INF2: variants seen among roughly 807,000 people sequenced by gnomAD.
The protein encoded by INF2 is inverted formin 2.
A neutral mutation model predicts 123.5 loss-of-function variants in INF2; 43 were observed. That is an observed-to-expected ratio of 0.35 (90% CI 0.27 to 0.45). The LOEUF is 0.45. Among genes scored for constraint, INF2 ranks in the 20% least tolerant of loss-of-function variants. The pLI is 1.00. For synonymous variants in INF2, 851 were observed against 745.0 expected (o/e 1.14, Z -2.32); for missense variants, 1,453 against 1,682.7 (o/e 0.86, Z 2.39).
chr14:104,694,857 G>A (rs1210032635), intron 1 of INF2, among the ~76,000 whole-genome samples: 1 of 152,168 alleles, frequency 6.6e-6, no homozygotes, highest in Non-Finnish European at 1.5e-5. Flanking sequence ...CAGCCGTCTT[G>A]TCTTGGCACA....
intron 5 of INF2, chr14:104,704,340 C>T (rs911098744): frequency 1.2e-5 from 5 of 408,858 alleles, no homozygotes; most frequent in Admixed American, 8.5e-5. Flanking sequence ...GGCTCCAGGG[C>T]GAGAGTTGAA....
At chr14:104,711,540 A>G in intron 15 of INF2, 89 bp from the exon 16 acceptor site, 2 of 1,181,050 alleles carry the variant, frequency 1.7e-6, no homozygotes, top group Non-Finnish European at 2.5e-6. Flanking sequence ...CTTAATTGCT[A>G]AGGGTTAGAG....
upstream of INF2, chr14:104,689,591 C>T: frequency 1.3e-3 from 364 of 276,518 alleles, no homozygotes; most frequent in Middle Eastern, 2.0e-3. Flanking sequence ...TCCTCTTCCT[C>T]CCGCCCGCCC....
intron 17 of INF2, 109 bp from the exon 18 acceptor site, chr14:104,712,719 G>A (rs1479011961): frequency 5.4e-5 from 80 of 1,468,526 alleles, no homozygotes; most frequent in African/African-American, 1.1e-4. Flanking sequence ...AGAGACCACC[G>A]TCCTCAGGGC....
At position 104,714,274 on chromosome 14, in the gene INF2, G is replaced by T; in HGVS notation, c.3112G>T (p.Ala1038Ser). 1 of 1,595,014 alleles carries T rather than the reference G, an allele frequency of 6.3e-7. No homozygotes were observed. The highest frequency in any genetic ancestry group is 2.3e-5 in the East Asian group (1 of 43,838). The change falls in exon 21 of 23, where the codon GCT becomes TCT. Residue 1038 changes from alanine to serine, a missense_variant. By Grantham distance (99) the Ala-to-Ser change is moderately conservative. Transcript: ENST00000392634. ...TCCCGCCTCTGAGCCCGGCCTTGAT[G>T]CTACAACAGCCAGCGAGTCCCGGGG... is the stretch of plus-strand genomic sequence containing the variant. Reference protein sequence around the residue: ...RCPASEPGLDATTASESRGWD... With the variant: ...RCPASEPGLDSTTASESRGWD...
In INF2 at chr14:104,712,909, T is replaced by C; in HGVS notation, c.2692T>C (p.Cys898Arg). Reference protein sequence around the residue: ...QKQRELADYLCEDAQQLSLED... With the variant: ...QKQRELADYLREDAQQLSLED... The stretch of plus-strand genomic sequence containing the variant: ...GCAACGGGAGCTGGCCGACTACCTG[T>C]GTGAGGACGCCCAGCAGCTGTCCCT... The change falls in exon 18 of 23, where the codon TGT becomes CGT. Residue 898 changes from cysteine to arginine, a missense_variant. Cys to Arg is a radical substitution (Grantham distance 180). This residue lies in a region of INF2 where 212 missense variants were observed against 266.2 expected (regional missense o/e 0.80). Transcript: ENST00000392634. The C allele has an allele frequency of 1.2e-6, 2 of 1,612,676 alleles. No homozygotes were observed. Among genetic ancestry groups the C allele is most frequent in the Non-Finnish European group, 1.7e-6 (2 of 1,179,808 alleles).
Position 104,714,978 on chromosome 14 carries a change from C to T in INF2, c.3694+122C>T, listed in dbSNP as rs745580631. ...GCACCCAGGAGAGGTGACTTGGGTG[C>T]GGCACGGGAGAGGAGGCGGCAGTGC... On this transcript the variant is annotated intron_variant, in intron 21 of 22. Transcript: ENST00000392634. 1.2e-4 allele frequency: 128 copies of T among 1,106,912 alleles called. 2 individuals carry two copies. The highest frequency in any genetic ancestry group is 9.0e-4 in the Middle Eastern group (3 of 3,320). The allele number at this position is 1,106,912 out of a possible 1,614,324, so 68.6% of individuals were successfully genotyped here.
rs1439075351 is a variant in INF2 at position 104,714,292 on chromosome 14, T to G, written c.3130T>G (p.Ser1044Ala). 15 of 1,592,550 alleles carry G rather than the reference T, an allele frequency of 9.4e-6. No homozygotes were observed. Among genetic ancestry groups the G allele is most frequent in the Non-Finnish European group, 1.3e-5 (15 of 1,170,938 alleles). Residue 1044 changes from serine to alanine, a missense_variant, in exon 21 of 23, where the codon TCC becomes GCC. This residue lies in a region of INF2 where 344 missense variants were observed against 333.1 expected (regional missense o/e 1.03). Coordinates refer to ENST00000392634, the MANE Select transcript of INF2 (RefSeq NM_022489.4). Reference protein sequence around the residue: ...PGLDATTASESRGWDLVDAVT... With the variant: ...PGLDATTASEARGWDLVDAVT... ...CCTTGATGCTACAACAGCCAGCGAG[T>G]CCCGGGGCTGGGACCTTGTAGACGC...
At position 104,708,014 on chromosome 14, in the gene INF2, C is replaced by T. The variant is rs1453660958; in HGVS notation, c.1735+12C>T. 1 of 1,598,116 alleles carries T rather than the reference C, an allele frequency of 6.3e-7. No individual in the cohort carries two copies. Among genetic ancestry groups the T allele is most frequent in the South Asian group, 1.1e-5 (1 of 91,080 alleles). On this transcript the variant is annotated intron_variant, in intron 8 of 22. Transcript: ENST00000392634. Reference sequence around the variant, plus strand: ...CAACGTGGCACGTGGTGAGGGTCCCCAGACCCCCAAGGGAAGCTTCCCCTA... The same window carrying T: ...CAACGTGGCACGTGGTGAGGGTCCCTAGACCCCCAAGGGAAGCTTCCCCTA...
exon 1 of INF2, chr14:104,681,463 A>G (rs1260656901): frequency 1.3e-6 from 1 of 786,342 alleles, no homozygotes. Flanking sequence ...GGCCTGATGT[A>G]GAAAGCACTC....
chr14:104,696,005 T>C (rs979339487), intron 1 of INF2, among the ~76,000 whole-genome samples: 3 of 152,178 alleles, frequency 2.0e-5, no homozygotes, highest in Non-Finnish European at 4.4e-5. Flanking sequence ...AACGACCATA[T>C]TCATCCGAGA....
At position 104,683,519 on chromosome 14, in the gene INF2, G is replaced by C. The variant is rs1478972236; in HGVS notation, c.-104+1937G>C. Among the ~76,000 whole-genome samples the C allele has an allele frequency of 6.6e-5, 10 of 152,216 alleles. No individual in the cohort carries two copies. In the East Asian group the frequency reaches 1.9e-3, roughly 29 times the overall value. On this transcript the variant is annotated intron_variant, in intron 1 of 2. Coordinates refer to the INF2 transcript ENST00000674723. ...AGAGGGGAGAGTGAAGGAGAAGGGA[G>C]AAGGCCCGCAGGGGAGGGCAGACAG...
chr14:104,682,976 A>C (rs12884142), intron 1 of INF2, among the ~76,000 whole-genome samples: 23,087 of 152,082 alleles, frequency 0.15, 2,232 homozygotes, highest in Non-Finnish European at 0.21. Context: ...TAACACGGCT[A>C]TACGGCACTC....
chr14:104,715,126 C>T (rs1189855886), intron 21 of INF2, among the ~76,000 whole-genome samples, 158 bp from the exon 22 acceptor site: 2 of 152,238 alleles, frequency 1.3e-5, no homozygotes, highest in East Asian at 3.9e-4. Context: ...CACCAGGTCC[C>T]AGGCAAGTGG....
At chr14:104,715,685 A>G in intron 22 of INF2, 1 of 543,224 alleles carries the variant, frequency 1.8e-6, no homozygotes, top group South Asian at 1.8e-5. Flanking sequence ...CCTGGCTGGC[A>G]GGACAGGCTG....
intron 6 of INF2, 69 bp from the exon 7 acceptor site, chr14:104,706,841 C>G (rs1314620134): frequency 2.6e-6 from 4 of 1,558,382 alleles, no homozygotes; most frequent in Non-Finnish European, 3.5e-6. Flanking sequence ...CCCTGGCAGA[C>G]AGGCCACAGT....
At position 104,713,224 on chromosome 14, in the gene INF2, G is replaced by C. The variant is rs762202347; in HGVS notation, c.2793G>C (p.Lys931Asn). 1.3e-6 allele frequency: 2 copies of C among 1,554,952 alleles called. No individual in the cohort carries two copies. The highest frequency in any genetic ancestry group is 2.4e-5 in the South Asian group (2 of 85,022). The change falls in exon 19 of 23, where the codon AAG (lysine) becomes AAC (asparagine). Residue 931 changes from lysine to asparagine, a missense_variant. Lys to Asn is a moderately conservative substitution (Grantham distance 94). This residue lies in a region of INF2 where 212 missense variants were observed against 266.2 expected (regional missense o/e 0.80). Transcript: ENST00000392634. ...CAGTGCAGGAGAACAAGGACCGGAAGGAGCAGGCGGCGAAGGCAGAGAGGA... is the reference window on the plus strand; with the variant it reads ...CAGTGCAGGAGAACAAGGACCGGAACGAGCAGGCGGCGAAGGCAGAGAGGA... The part of the protein sequence containing the change: ...LRALKENKDR[K>N]EQAAKAERRK...
At chr14:104,701,108 G>T (rs987439841) in intron 1 of INF2, among the ~76,000 whole-genome samples, 2 of 152,212 alleles carry the variant, frequency 1.3e-5, no homozygotes, top group South Asian at 4.2e-4. Context: ...TGAGCCTCGG[G>T]GTCCTCATGC....
intron 1 of INF2, among the ~76,000 whole-genome samples, chr14:104,681,838 C>T (rs1888529783): frequency 6.6e-6 from 1 of 152,246 alleles, no homozygotes; most frequent in Non-Finnish European, 1.5e-5. Context: ...CCCCTGGCCA[C>T]ACCCGGCCTG....
Sources: gnomAD v4.1 joint callset for allele counts (sites outside exome capture counted in the v4.1 genomes callset) on GRCh38, gnomAD v4.1.1 for gene constraint, gnomAD v4.1.1 regional missense constraint, MANE v1.5 for transcripts, NCBI Gene and HGNC (gene_info 2026-07-23, HGNC 2026-07-21) for gene names.